GALNT13: variants seen among roughly 807,000 people sequenced by gnomAD.
The protein encoded by GALNT13 is polypeptide N-acetylgalactosaminyltransferase 13, also known as UDP-GalNAc:polypeptide N-acetylgalactosaminyltransferase 13.
Under a neutral mutation model 64.2 loss-of-function variants are expected in GALNT13, and 28 were observed. The ratio of observed to expected loss-of-function variants is 0.44; its 90% CI spans 0.32 to 0.60. The LOEUF (loss-of-function observed/expected upper bound fraction) is 0.60. GALNT13 is among the 20% of genes least tolerant of loss of function. The probability of loss-of-function intolerance (pLI) is 0.05; values close to 1 mark genes in which losing one functional copy is unlikely to be tolerated. For missense variants in GALNT13, 577 were observed against 669.8 expected (o/e 0.86, Z 1.53); for synonymous variants, 214 against 224.6 (o/e 0.95, Z 0.42).
the GALNT13 span, among the ~76,000 whole-genome samples, chr2:153,584,382 G>A: frequency 6.6e-6 from 1 of 152,138 alleles, no homozygotes; most frequent in Middle Eastern, 3.2e-3. Context: ...CACTTCTCAG[G>A]AACAGAGGTT....
chr2:153,136,848 C>CCACACACACACACACACACACACACACA, the GALNT13 span, among the ~76,000 whole-genome samples: 65 of 148,438 alleles, frequency 4.4e-4, no homozygotes, highest in Non-Finnish European at 7.0e-4. Context: ...GGTGTTTGCA[C>CCACACACACACACACACACACACACACA]CACACACACA....
At chr2:154,194,570 C>G (rs1490613080) in intron 4 of GALNT13, among the ~76,000 whole-genome samples, 2 of 152,084 alleles carry the variant, frequency 1.3e-5, no homozygotes, top group African/African-American at 4.8e-5. Context: ...TTTGTTGTAT[C>G]TTTGTTTCCC....
the GALNT13 span, among the ~76,000 whole-genome samples, chr2:153,500,991 G>A: frequency 6.6e-6 from 1 of 151,820 alleles, no homozygotes. Context: ...ATGTAACTAA[G>A]CACATCAAAT....
At chr2:153,441,170 G>C in the GALNT13 span, among the ~76,000 whole-genome samples, 1 of 152,046 alleles carries the variant, frequency 6.6e-6, no homozygotes, top group South Asian at 2.1e-4. Flanking sequence ...GCATATGGCT[G>C]GCCAGTTTTC....
At chr2:153,434,682 T>G in the GALNT13 span, among the ~76,000 whole-genome samples, 1 of 152,210 alleles carries the variant, frequency 6.6e-6, no homozygotes. Flanking sequence ...GTTGTTTGGT[T>G]TTTTTCTTGT....
the GALNT13 span, among the ~76,000 whole-genome samples, chr2:153,666,636 A>G: frequency 1.3e-5 from 2 of 152,194 alleles, no homozygotes; most frequent in African/African-American, 2.4e-5. Context: ...CCTCAGATGC[A>G]TCAAAGAATA....
the GALNT13 span, among the ~76,000 whole-genome samples, chr2:153,507,399 G>T: frequency 6.6e-6 from 1 of 151,936 alleles, no homozygotes; most frequent in African/African-American, 2.4e-5. Context: ...TCTTGCCTCA[G>T]CCTCCCAAGT....
chr2:153,384,364 T>C, the GALNT13 span, among the ~76,000 whole-genome samples: 1 of 152,158 alleles, frequency 6.6e-6, no homozygotes, highest in South Asian at 2.1e-4. Flanking sequence ...TTTTTAAAAC[T>C]TCGTGTTCTT....
the GALNT13 span, among the ~76,000 whole-genome samples, chr2:153,206,381 C>T: frequency 2.6e-5 from 4 of 152,132 alleles, no homozygotes; most frequent in East Asian, 7.7e-4. Context: ...TTAAAGTGGG[C>T]ATTGTAATAA....
chr2:153,918,608 T>C (rs906993508), intron 2 of GALNT13, among the ~76,000 whole-genome samples: 4 of 152,142 alleles, frequency 2.6e-5, no homozygotes, highest in African/African-American at 9.7e-5. Context: ...TCCCCTTCTA[T>C]TGATGCCTCT....
chr2:154,347,603 A>C (rs777001805), intron 9 of GALNT13, among the ~76,000 whole-genome samples: 3 of 152,208 alleles, frequency 2.0e-5, no homozygotes, highest in Non-Finnish European at 4.4e-5. Flanking sequence ...TTAAGAGCTC[A>C]AATTGCCAGA....
intron 9 of GALNT13, among the ~76,000 whole-genome samples, chr2:154,384,245 C>T (rs1421236546): frequency 1.3e-5 from 2 of 151,796 alleles, no homozygotes; most frequent in Non-Finnish European, 2.9e-5. Context: ...CTGTGTTTCT[C>T]AAAATATTTT....
the GALNT13 span, among the ~76,000 whole-genome samples, chr2:153,173,658 T>C: frequency 6.6e-6 from 1 of 151,816 alleles, no homozygotes; most frequent in African/African-American, 2.4e-5. Context: ...ACTCCCCAAA[T>C]GTATGTCTTT....
At chr2:153,673,331 C>A in the GALNT13 span, among the ~76,000 whole-genome samples, 10 of 152,134 alleles carry the variant, frequency 6.6e-5, no homozygotes, top group Non-Finnish European at 1.3e-4. Flanking sequence ...CAAAACAAAT[C>A]CAGCAGAACA....
intron 3 of GALNT13, among the ~76,000 whole-genome samples, chr2:154,052,281 G>A (rs1000416271): frequency 6.6e-6 from 1 of 152,106 alleles, no homozygotes; most frequent in Non-Finnish European, 1.5e-5. Flanking sequence ...TATGCTATCT[G>A]ACTTAAGTGT....
the GALNT13 span, among the ~76,000 whole-genome samples, chr2:153,708,153 C>T: frequency 2.6e-5 from 4 of 151,774 alleles, no homozygotes; most frequent in South Asian, 2.1e-4. Context: ...TGGCAATCTT[C>T]ATTTTAGAAT....
At chr2:153,462,395 CTCT>C in the GALNT13 span, among the ~76,000 whole-genome samples, 116 of 151,918 alleles carry the variant, frequency 7.6e-4, no homozygotes, top group Non-Finnish European at 1.3e-3. Context: ...TCCAATGGAC[CTCT>C]TCTTTTCATA....
At chr2:153,093,245 T>TC in the GALNT13 span, among the ~76,000 whole-genome samples, 2 of 148,162 alleles carry the variant, frequency 1.3e-5, no homozygotes, top group Admixed American at 6.8e-5. Flanking sequence ...TCTTTTCTTT[T>TC]TTTTTTTTGT....
the GALNT13 span, among the ~76,000 whole-genome samples, chr2:153,184,332 A>T: frequency 2.0e-5 from 3 of 152,230 alleles, no homozygotes; most frequent in Admixed American, 2.0e-4. Flanking sequence ...GTATCCAGAG[A>T]CATTGCTAAA....
Sources: gnomAD v4.1 joint callset for allele counts (sites outside exome capture counted in the v4.1 genomes callset) on GRCh38, gnomAD v4.1.1 for gene constraint, MANE v1.5 for transcripts, NCBI Gene and HGNC (gene_info 2026-07-23, HGNC 2026-07-21) for gene names.